NELL2: variants seen among roughly 807,000 people sequenced by gnomAD.
NELL2 encodes the protein protein kinase C-binding protein NELL2.
NELL2 carries 41 observed loss-of-function variants against 109.6 expected under a neutral mutation model. That is an observed-to-expected ratio of 0.37 (90% CI 0.29 to 0.49). NELL2 has a LOEUF of 0.49. Ranked by LOEUF, NELL2 falls within the 20% of genes least tolerant of loss-of-function variation. The pLI is 0.98. For missense variants in NELL2, 900 were observed against 1,008.3 expected (o/e 0.89, Z 1.45); for synonymous variants, 355 against 344.7 (o/e 1.03, Z -0.33).
chr12:44,734,001 T>A (rs1861227526), intron 9 of NELL2, among the ~76,000 whole-genome samples: 1 of 152,048 alleles, frequency 6.6e-6, no homozygotes, highest in Non-Finnish European at 1.5e-5. Flanking sequence ...TATAATGGTC[T>A]AAATATGTTT....
chr12:44,615,285 T>C (rs1410202762), intron 13 of NELL2, among the ~76,000 whole-genome samples: 1 of 152,062 alleles, frequency 6.6e-6, no homozygotes, highest in Admixed American at 6.6e-5. Flanking sequence ...AAAAACACCA[T>C]TCACATACTT....
At chr12:44,893,765 A>T (rs1945562764) in intron 1 of NELL2, among the ~76,000 whole-genome samples, 1 of 152,216 alleles carries the variant, frequency 6.6e-6, no homozygotes, top group African/African-American at 2.4e-5. Context: ...AATAATGAGA[A>T]TAAGAGCTAT....
chr12:44,637,791 A>G (rs950555546), intron 13 of NELL2, among the ~76,000 whole-genome samples: 7 of 151,820 alleles, frequency 4.6e-5, no homozygotes, highest in Non-Finnish European at 8.8e-5. Context: ...AGAAGTTGCT[A>G]TAAAGTTGAT....
At chr12:44,864,029 T>C (rs1399717855) in intron 2 of NELL2, among the ~76,000 whole-genome samples, 2 of 152,076 alleles carry the variant, frequency 1.3e-5, no homozygotes. Flanking sequence ...ACGTAAGCCT[T>C]GTGGTAACTA....
intron 9 of NELL2, among the ~76,000 whole-genome samples, chr12:44,741,543 C>A (rs1290584097): frequency 3.3e-5 from 5 of 152,314 alleles, no homozygotes; most frequent in African/African-American, 1.2e-4. Context: ...TCAGGGAATT[C>A]CCTTTCCTAG....
rs200129409 is a variant in NELL2, at chr12:44,639,876, AC to A, written c.1444+25607del. Among the ~76,000 whole-genome samples the A allele has an allele frequency of 2.0e-5, 3 of 152,102 alleles. No homozygotes were observed. The East Asian group carries it at 5.8e-4, about 29-fold the overall frequency. The stretch of plus-strand genomic sequence containing the variant: ...ATGGTTTCAGACTCTGCATGATCGG[AC>A]CCCACCCTACATCTTCATTCTCATC... On this transcript the variant is annotated intron_variant, in intron 13 of 19. Transcript: ENST00000429094.
chr12:44,867,403 A>G (rs576220350), intron 2 of NELL2, among the ~76,000 whole-genome samples: 1 of 152,362 alleles, frequency 6.6e-6, no homozygotes, highest in South Asian at 2.1e-4. Flanking sequence ...CAACATATGC[A>G]GGAAAACATT....
intron 9 of NELL2, among the ~76,000 whole-genome samples, chr12:44,736,245 G>A (rs947582689): frequency 5.3e-5 from 8 of 151,988 alleles, no homozygotes; most frequent in Admixed American, 4.6e-4. Flanking sequence ...TCCTGACCTC[G>A]TGATCCGCCC....
chr12:44,691,665 T>C (rs1271989163), intron 12 of NELL2, among the ~76,000 whole-genome samples: 1 of 152,076 alleles, frequency 6.6e-6, no homozygotes, highest in East Asian at 1.9e-4. Flanking sequence ...AAGGAAGGAA[T>C]ATAAAAGTGT....
intron 2 of NELL2, among the ~76,000 whole-genome samples, chr12:44,821,285 T>C (rs532469349): frequency 3.3e-5 from 5 of 152,172 alleles, no homozygotes; most frequent in Admixed American, 3.3e-4. Context: ...CACCAGCAGA[T>C]AGAGGTATAA....
At chr12:44,859,951 C>T (rs1340211674) in intron 2 of NELL2, among the ~76,000 whole-genome samples, 3 of 152,112 alleles carry the variant, frequency 2.0e-5, no homozygotes, top group Non-Finnish European at 4.4e-5. Flanking sequence ...TTGCTGGGTG[C>T]CAAATAGCAT....
At chr12:44,685,513 T>C (rs1021659210) in intron 12 of NELL2, among the ~76,000 whole-genome samples, 3 of 152,196 alleles carry the variant, frequency 2.0e-5, no homozygotes, top group Non-Finnish European at 2.9e-5. Context: ...CTAGTCTCGA[T>C]GGTCTTTACA....
chr12:44,890,502 T>C (rs1592706524), intron 1 of NELL2, among the ~76,000 whole-genome samples: 1 of 152,168 alleles, frequency 6.6e-6, no homozygotes, highest in South Asian at 2.1e-4. Context: ...CAAGAGGTAT[T>C]TGTGGAGGTG....
chr12:44,777,196 C>A, intron 6 of NELL2, 46 bp downstream of exon 6: 1 of 1,607,800 alleles, frequency 6.2e-7, no homozygotes, highest in Non-Finnish European at 8.5e-7. Context: ...TCTATGCTGA[C>A]AAGTAATATA....
chr12:44,714,666 A>G lies in NELL2; in HGVS notation c.1070T>C (p.Val357Ala). Residue 357 changes from valine to alanine, a missense_variant, in exon 10 of 20, where the codon GTT (valine) becomes GCT (alanine). Val to Ala is a moderately conservative substitution (Grantham distance 64). Coordinates refer to ENST00000429094, the MANE Select transcript of NELL2 (RefSeq NM_001145108.2). ...NTVYSSSGVC[V>A]LYECKDQTMK... ...TCTTCTTACCTTGCACTCATAGAGA[A>G]CACATACTCCAGAAGAGGAATAGAC... 6.3e-7 allele frequency: 1 copy of G among 1,596,112 alleles called. No homozygotes were observed. The highest frequency in any genetic ancestry group is 8.5e-7 in the Non-Finnish European group (1 of 1,173,024).
chr12:44,663,116 G>C (rs1347761730), intron 13 of NELL2, among the ~76,000 whole-genome samples: 1 of 152,104 alleles, frequency 6.6e-6, no homozygotes, highest in African/African-American at 2.4e-5. Context: ...GTCCCATTAG[G>C]GGAGTAATTT....
intron 2 of NELL2, among the ~76,000 whole-genome samples, chr12:44,838,234 TG>T (rs1459941568): frequency 6.6e-6 from 1 of 152,128 alleles, no homozygotes; most frequent in East Asian, 1.9e-4. Flanking sequence ...ATGAGAAATA[TG>T]GTAACAAAAT....
chr12:44,803,444 AG>A (rs1942898885), intron 3 of NELL2, among the ~76,000 whole-genome samples: 1 of 152,032 alleles, frequency 6.6e-6, no homozygotes, highest in African/African-American at 2.4e-5. Context: ...GAGTATTTAA[AG>A]GTGATGAAGT....
chr12:44,884,600 G>T (rs1052394667), intron 1 of NELL2, among the ~76,000 whole-genome samples: 2 of 151,716 alleles, frequency 1.3e-5, no homozygotes, highest in Non-Finnish European at 2.9e-5. Context: ...AATAAAACTA[G>T]AACATAGACT....
Sources: allele counts gnomAD v4.1 joint callset (sites outside exome capture counted in the v4.1 genomes callset), GRCh38; gene constraint gnomAD v4.1.1; transcripts MANE v1.5; gene names NCBI Gene and HGNC (gene_info 2026-07-23, HGNC 2026-07-21).